PPEF1: variants seen among roughly 807,000 people sequenced by gnomAD.
The protein encoded by PPEF1 is protein phosphatase with EF-hand domain 1.
A neutral mutation model predicts 53.3 loss-of-function variants in PPEF1; 12 were observed. That is an observed-to-expected ratio of 0.23 (90% CI 0.14 to 0.36). The LOEUF is 0.36. Among genes scored for constraint, PPEF1 ranks in the 10% least tolerant of loss-of-function variants. The pLI is 1.00. For synonymous variants in PPEF1, 165 were observed against 176.7 expected (o/e 0.93, Z 0.52); for missense variants, 334 against 490.4 (o/e 0.68, Z 3.01).
chrX:18,786,684 G>A (rs1384526641), intron 9 of PPEF1, among the ~76,000 whole-genome samples: 2 of 106,691 alleles, frequency 1.9e-5, no homozygotes, highest in Non-Finnish European at 3.9e-5. Flanking sequence ...TTGGGAGGCT[G>A]AGGCAGGAGG....
intron 2 of PPEF1, among the ~76,000 whole-genome samples, chrX:18,732,074 C>T (rs918835124): frequency 1.8e-5 from 2 of 112,425 alleles, no homozygotes; most frequent in Non-Finnish European, 3.8e-5. Flanking sequence ...TTCGGTCTCC[C>T]AGAGTGCTGG....
At chrX:18,704,662 C>T (rs2044159228), upstream of PPEF1, among the ~76,000 whole-genome samples, 1 of 111,950 alleles carries the variant, frequency 8.9e-6, no homozygotes, top group Admixed American at 9.5e-5. Context: ...AAAATGTGAT[C>T]ATCACTATGC....
intron 6 of PPEF1, among the ~76,000 whole-genome samples, chrX:18,769,246 A>G (rs755790255): frequency 7.1e-5 from 8 of 112,014 alleles, no homozygotes; most frequent in Non-Finnish European, 1.5e-4. Context: ...TCAACTTTAC[A>G]TGGCTTCAAA....
At chrX:18,784,105 C>T (rs2046152266) in intron 9 of PPEF1, 57 bp downstream of exon 9, 2 of 985,281 alleles carry the variant, frequency 2.0e-6, no homozygotes, top group Non-Finnish European at 2.7e-6. Context: ...GAATACATAC[C>T]TCTTCATTTA....
At chrX:18,702,414 C>T (rs755931817) in intron 6 of PPEF1, among the ~76,000 whole-genome samples, 1 of 106,787 alleles carries the variant, frequency 9.4e-6, no homozygotes, top group Non-Finnish European at 1.9e-5. Flanking sequence ...CTAGGAAAAG[C>T]TGAATTCTAG....
intron 3 of PPEF1, among the ~76,000 whole-genome samples, chrX:18,747,077 A>G (rs1178342910): frequency 9.0e-6 from 1 of 111,234 alleles, no homozygotes; most frequent in Admixed American, 9.6e-5. Flanking sequence ...TGAGTTTTGA[A>G]GGATGATAAA....
chrX:18,705,879 C>T (rs1231875223), upstream of PPEF1, among the ~76,000 whole-genome samples: 1 of 111,512 alleles, frequency 9.0e-6, no homozygotes, highest in Non-Finnish European at 1.9e-5. Context: ...TTTAGTTTTC[C>T]CTTTCTTCAG....
intron 4 of PPEF1, among the ~76,000 whole-genome samples, chrX:18,696,392 A>G (rs1255506183): frequency 1.9e-5 from 2 of 107,899 alleles, no homozygotes. Flanking sequence ...AGCTCAAGCA[A>G]TCCTCCTTGC....
chrX:18,807,972 T>G (rs1441401853), intron 12 of PPEF1, among the ~76,000 whole-genome samples: 1 of 101,191 alleles, frequency 9.9e-6, no homozygotes, highest in Non-Finnish European at 2.0e-5. Context: ...TACGTACATT[T>G]TTTTTTTTTT....
chrX:18,688,669 C>T (rs1054830042), intron 3 of PPEF1: 3 of 112,378 alleles, frequency 2.7e-5, no homozygotes. Flanking sequence ...GCTTTATTTA[C>T]ATATCACAAC....
At chrX:18,817,428 G>T (rs756249767) in intron 12 of PPEF1, among the ~76,000 whole-genome samples, 1 of 110,080 alleles carries the variant, frequency 9.1e-6, no homozygotes, top group African/African-American at 3.3e-5. Flanking sequence ...TGCAACCTCC[G>T]CCTCCTGGGT....
intron 4 of PPEF1, among the ~76,000 whole-genome samples, chrX:18,693,242 T>A (rs1929510846): frequency 8.9e-6 from 1 of 111,933 alleles, no homozygotes; most frequent in African/African-American, 3.2e-5. Flanking sequence ...ATTAAGCATT[T>A]GAAAGGACAA....
chrX:18,791,506 A>G (rs1325808715), intron 10 of PPEF1, among the ~76,000 whole-genome samples: 2 of 112,254 alleles, frequency 1.8e-5, no homozygotes. Context: ...TTGCTAGTGT[A>G]TAGAAATACA....
chrX:18,788,304 CA>C (rs1214682551), intron 9 of PPEF1, among the ~76,000 whole-genome samples: 159 of 30,284 alleles, frequency 5.3e-3, no homozygotes, highest in Non-Finnish European at 7.1e-3. Flanking sequence ...GACTCTGTCT[CA>C]AAAAAAAAAA....
intron 8 of PPEF1, among the ~76,000 whole-genome samples, chrX:18,782,655 TG>T (rs1569263852): frequency 8.9e-6 from 1 of 111,786 alleles, no homozygotes; most frequent in Non-Finnish European, 1.9e-5. Context: ...CATATTTCAT[TG>T]CTTCAAAGGT....
intron 1 of PPEF1, among the ~76,000 whole-genome samples, chrX:18,727,541 A>G (rs2044736712): frequency 9.1e-6 from 1 of 110,302 alleles, no homozygotes; most frequent in Non-Finnish European, 1.9e-5. Context: ...CTGTGACCAA[A>G]TGTGTGGGGA....
At chrX:18,771,257 C>T (rs2045865369) in intron 6 of PPEF1, among the ~76,000 whole-genome samples, 1 of 111,170 alleles carries the variant, frequency 9.0e-6, no homozygotes, top group South Asian at 3.8e-4. Flanking sequence ...TTCAGCTCTT[C>T]TCCTTATTTG....
intron 12 of PPEF1, among the ~76,000 whole-genome samples, chrX:18,817,348 AT>A (rs1333994197): frequency 2.5e-4 from 26 of 106,027 alleles, no homozygotes; most frequent in South Asian, 1.6e-3. Context: ...ATATTTATGA[AT>A]TTTTTTTTTT....
chrX:18,767,403 G>T (rs776212588), intron 6 of PPEF1, among the ~76,000 whole-genome samples: 1 of 111,118 alleles, frequency 9.0e-6, no homozygotes, highest in African/African-American at 3.3e-5. Context: ...AAATTAGCTG[G>T]GCGTGGTGGC....
Sources: gnomAD v4.1 joint callset for allele counts (sites outside exome capture counted in the v4.1 genomes callset) on GRCh38, gnomAD v4.1.1 for gene constraint, MANE v1.5 for transcripts, NCBI Gene and HGNC (gene_info 2026-07-23, HGNC 2026-07-21) for gene names.